Variants in SLC39A11 observed in about 807,000 individuals in gnomAD.
SLC39A11 encodes zinc transporter ZIP11.
Under a neutral mutation model 36.1 loss-of-function variants are expected in SLC39A11, and 33 were observed. That is an observed-to-expected ratio of 0.91 (90% confidence interval 0.69 to 1.22). The LOEUF is 1.22. Ranked by LOEUF, SLC39A11 falls within the 50% of genes most tolerant of loss-of-function variation. SLC39A11 has a pLI of 0.00. For synonymous variants in SLC39A11, 166 were observed against 170.3 expected, an observed-to-expected ratio of 0.97 and a Z score of 0.20; for missense variants, 432 against 430.3, an observed-to-expected ratio of 1.00 and a Z score of -0.03.
intron 6 of SLC39A11, among the ~76,000 whole-genome samples, chr17:72,739,502 C>T (rs1307662064): frequency 1.3e-5 from 2 of 152,154 alleles, no homozygotes; most frequent in Admixed American, 6.5e-5. Flanking sequence ...TGTCAGGACA[C>T]GGAGTCCTAG....
intron 3 of SLC39A11, among the ~76,000 whole-genome samples, chr17:73,080,859 C>G (rs1377335548): frequency 1.3e-5 from 2 of 151,960 alleles, no homozygotes; most frequent in African/African-American, 4.8e-5. Context: ...GCAGGAGAAT[C>G]GCTTGAACCC....
chr17:72,932,338 G>A (rs1486733343), intron 5 of SLC39A11, among the ~76,000 whole-genome samples: 2 of 128,088 alleles, frequency 1.6e-5, no homozygotes, highest in Non-Finnish European at 3.1e-5. Context: ...TACATGTGCA[G>A]AACATGCAGT....
At position 72,648,934 on chromosome 17, in the gene SLC39A11, C is replaced by A; in HGVS notation, c.798G>T (p.Glu266Asp). 3 of 1,613,620 alleles carry A rather than the reference C, an allele frequency of 1.9e-6. No homozygotes were observed. Among genetic ancestry groups the A allele is most frequent in the Non-Finnish European group, 2.5e-6 (3 of 1,179,756 alleles). ...FWYGQLSGMV[E>D]PLAGVFGAFA... ...AGGCACCAAAGACCCCGGCCAGGGG[C>A]TCCACCATGCCGCTCAGCTGCCCAT... Residue 266 changes from glutamate (E) to aspartate (D), a missense_variant, in exon 9 of 10, where the codon GAG becomes GAT. Coordinates refer to ENST00000255559, the MANE Select transcript of SLC39A11 (RefSeq NM_139177.4).
intron 6 of SLC39A11, among the ~76,000 whole-genome samples, chr17:72,783,919 C>A (rs1449768245): frequency 6.6e-6 from 1 of 152,158 alleles, no homozygotes; most frequent in South Asian, 2.1e-4. Context: ...AGCCAGCCCC[C>A]ACCCAGGGCA....
chr17:72,940,278 T>TG (rs2085021364), intron 5 of SLC39A11, among the ~76,000 whole-genome samples: 1 of 8,360 alleles, frequency 1.2e-4, no homozygotes, highest in Non-Finnish European at 0.016. Flanking sequence ...GCCATCTGAC[T>TG]TTTTTTTTTT....
intron 4 of SLC39A11, among the ~76,000 whole-genome samples, chr17:72,996,014 C>T (rs2089484194): frequency 2.0e-5 from 3 of 152,034 alleles, no homozygotes; most frequent in Admixed American, 2.0e-4. Context: ...ACCCTTCTGC[C>T]TTCCCGCCTA....
intron 3 of SLC39A11, among the ~76,000 whole-genome samples, chr17:73,069,731 C>T (rs2060103008): frequency 6.6e-6 from 1 of 152,148 alleles, no homozygotes; most frequent in Non-Finnish European, 1.5e-5. Context: ...AACTTTGATC[C>T]TTTGCACTCA....
At chr17:73,012,142 G>T (rs1000612344) in intron 4 of SLC39A11, among the ~76,000 whole-genome samples, 1 of 151,902 alleles carries the variant, frequency 6.6e-6, no homozygotes, top group African/African-American at 2.4e-5. Context: ...CGGGCGTGGT[G>T]GCAGGCGCCT....
intron 3 of SLC39A11, among the ~76,000 whole-genome samples, chr17:73,083,392 G>A (rs569622038): frequency 2.0e-5 from 3 of 152,298 alleles, no homozygotes; most frequent in Admixed American, 2.0e-4. Context: ...GACTCAGATG[G>A]CCTCTGGCAG....
chr17:72,960,242 C>G (rs2086519807), intron 4 of SLC39A11, among the ~76,000 whole-genome samples: 1 of 152,132 alleles, frequency 6.6e-6, no homozygotes, highest in African/African-American at 2.4e-5. Context: ...ATGTCTATCA[C>G]TTTCACAAAT....
intron 6 of SLC39A11, among the ~76,000 whole-genome samples, chr17:72,782,757 T>C (rs1018764696): frequency 2.0e-5 from 3 of 148,122 alleles, no homozygotes; most frequent in African/African-American, 7.5e-5. Context: ...TCTCAGCACT[T>C]TGGGAGGCCA....
chr17:73,008,904 TAAATA>T, intron 4 of SLC39A11, among the ~76,000 whole-genome samples: 1 of 149,912 alleles, frequency 6.7e-6, no homozygotes, highest in Non-Finnish European at 1.5e-5. Flanking sequence ...AAAAAATAAA[TAAATA>T]AAATAGGCAG....
chr17:72,777,847 G>GTGTA (rs1442825892), intron 6 of SLC39A11, among the ~76,000 whole-genome samples: 24 of 140,472 alleles, frequency 1.7e-4, no homozygotes, highest in East Asian at 1.0e-3. Flanking sequence ...CGTACACTGT[G>GTGTA]TGTATGTATG....
intron 5 of SLC39A11, among the ~76,000 whole-genome samples, chr17:72,916,415 T>C (rs2083337648): frequency 6.7e-6 from 1 of 149,510 alleles, no homozygotes; most frequent in Non-Finnish European, 1.5e-5. Context: ...TCAGGGCCAG[T>C]CCCAGGAGTT....
intron 7 of SLC39A11, among the ~76,000 whole-genome samples, chr17:72,654,413 A>G (rs1421678227): frequency 1.3e-5 from 2 of 152,218 alleles, no homozygotes; most frequent in Non-Finnish European, 2.9e-5. Flanking sequence ...CTGTTCTCGC[A>G]GCTTCTGCTA....
At chr17:72,683,967 C>G (rs1041060770) in intron 7 of SLC39A11, among the ~76,000 whole-genome samples, 1 of 152,144 alleles carries the variant, frequency 6.6e-6, no homozygotes, top group African/African-American at 2.4e-5. Flanking sequence ...CATCTGACTC[C>G]TGCTAGTGGA....
chr17:72,883,687 C>T (rs1218737498), intron 5 of SLC39A11, among the ~76,000 whole-genome samples: 1 of 152,156 alleles, frequency 6.6e-6, no homozygotes, highest in African/African-American at 2.4e-5. Flanking sequence ...AAAATGTATT[C>T]TTGTCTCATC....
At chr17:72,747,598 C>T (rs1293468105) in intron 6 of SLC39A11, among the ~76,000 whole-genome samples, 2 of 152,164 alleles carry the variant, frequency 1.3e-5, no homozygotes, top group Non-Finnish European at 2.9e-5. Context: ...TCAGGAGAGC[C>T]GACTCACAGG....
chr17:73,090,916 G>A (rs997349905), intron 1 of SLC39A11, among the ~76,000 whole-genome samples: 2 of 152,164 alleles, frequency 1.3e-5, no homozygotes, highest in African/African-American at 2.4e-5. Flanking sequence ...GGCAATGCAA[G>A]CCCAGTGCCC....
Sources: allele counts gnomAD v4.1 joint callset (sites outside exome capture counted in the v4.1 genomes callset), GRCh38; gene constraint gnomAD v4.1.1; transcripts MANE v1.5; gene names NCBI Gene and HGNC (gene_info 2026-07-23, HGNC 2026-07-21).